GABRG3: variants seen among roughly 807,000 people sequenced by gnomAD.
GABRG3 encodes the protein gamma-aminobutyric acid receptor subunit gamma-3.
GABRG3 carries 25 observed loss-of-function variants against 48.8 expected under a neutral mutation model. That is an observed-to-expected ratio of 0.51 (90% CI 0.37 to 0.72). GABRG3 has a LOEUF of 0.72. GABRG3 is among the 30% of genes least tolerant of loss of function. The pLI is 0.00. For missense variants in GABRG3, 394 were observed against 577.9 expected (o/e 0.68, Z 3.26); for synonymous variants, 227 against 217.6 (o/e 1.04, Z -0.38).
chr15:27,413,759 A>G (rs1887866212), intron 5 of GABRG3, among the ~76,000 whole-genome samples: 1 of 152,194 alleles, frequency 6.6e-6, no homozygotes, highest in Non-Finnish European at 1.5e-5. Flanking sequence ...GTAATTTTGC[A>G]GTTATGTCTA....
intron 5 of GABRG3, among the ~76,000 whole-genome samples, chr15:27,433,854 C>T (rs1412827768): frequency 6.6e-6 from 1 of 152,156 alleles, no homozygotes; most frequent in Non-Finnish European, 1.5e-5. Context: ...GACTCTCAAA[C>T]TTTCTGAAAA....
intron 5 of GABRG3, among the ~76,000 whole-genome samples, chr15:27,470,800 T>C (rs1889765336): frequency 6.6e-6 from 1 of 152,182 alleles, no homozygotes; most frequent in Non-Finnish European, 1.5e-5. Context: ...TTTGTAAGTA[T>C]AGTTTTTAAT....
intron 5 of GABRG3, among the ~76,000 whole-genome samples, chr15:27,425,074 G>A (rs573936966): frequency 5.5e-4 from 83 of 152,238 alleles, no homozygotes; most frequent in Non-Finnish European, 7.4e-4. Context: ...TCCCTGATTG[G>A]CAGTACTCCA....
At chr15:27,263,280 C>A (rs1890818699) in intron 3 of GABRG3, among the ~76,000 whole-genome samples, 1 of 152,144 alleles carries the variant, frequency 6.6e-6, no homozygotes, top group South Asian at 2.1e-4. Flanking sequence ...GTTTAGTGAT[C>A]CATTGATCTC....
At chr15:27,058,565 C>G (rs1337883422) in intron 3 of GABRG3, among the ~76,000 whole-genome samples, 1 of 151,810 alleles carries the variant, frequency 6.6e-6, no homozygotes, top group African/African-American at 2.4e-5. Context: ...AAATTCCCAA[C>G]TGTCCGGCTA....
intron 6 of GABRG3, among the ~76,000 whole-genome samples, chr15:27,492,365 A>T (rs898057898): frequency 2.0e-5 from 3 of 152,322 alleles, no homozygotes; most frequent in African/African-American, 7.2e-5. Context: ...GTCTCACTTC[A>T]AAAGAATCTG....
At chr15:27,375,095 A>G (rs1247151395) in intron 5 of GABRG3, among the ~76,000 whole-genome samples, 1 of 152,164 alleles carries the variant, frequency 6.6e-6, no homozygotes, top group Non-Finnish European at 1.5e-5. Context: ...TGAAGAACAA[A>G]CAGTGGCTTG....
rs117045848 is a variant in GABRG3, at chr15:27,141,582, G to T, written c.270+114761G>T. 6.1e-3 allele frequency among the ~76,000 whole-genome samples: 926 copies of T among 152,296 alleles called. 5 individuals are homozygous for T. Among genetic ancestry groups the T allele is most frequent in the Non-Finnish European group, 8.5e-3 (578 of 68,028 alleles). On this transcript the variant is annotated intron_variant, in intron 3 of 9. Transcript: ENST00000615808. ...TTTCCTTGTCCTGCACCTCTGAGGT[G>T]TCCAGCTACTCATGTAGGACAAATG... is the stretch of plus-strand genomic sequence containing the variant.
intron 5 of GABRG3, among the ~76,000 whole-genome samples, chr15:27,343,133 CG>C (rs1339847930): frequency 1.3e-5 from 2 of 152,132 alleles, no homozygotes; most frequent in African/African-American, 4.8e-5. Flanking sequence ...TGCAGTGCCT[CG>C]GGCTCATCTG....
chr15:27,379,514 G>A (rs1895699878), intron 5 of GABRG3, among the ~76,000 whole-genome samples: 1 of 152,100 alleles, frequency 6.6e-6, no homozygotes, highest in Non-Finnish European at 1.5e-5. Context: ...TCCTCCTCTA[G>A]CGGTCTTCCT....
At chr15:27,146,815 G>A (rs1027569120) in intron 3 of GABRG3, among the ~76,000 whole-genome samples, 17 of 151,542 alleles carry the variant, frequency 1.1e-4, no homozygotes, top group Admixed American at 2.0e-4. Context: ...AAGGACAAGG[G>A]GATTAAAGTG....
At chr15:27,002,468 G>T (rs1395848123) in intron 2 of GABRG3, among the ~76,000 whole-genome samples, 1 of 151,988 alleles carries the variant, frequency 6.6e-6, no homozygotes, top group Non-Finnish European at 1.5e-5. Flanking sequence ...TTTTCTCTCA[G>T]CATTTTAATT....
intron 3 of GABRG3, among the ~76,000 whole-genome samples, chr15:27,326,138 A>G (rs1893605723): frequency 6.6e-6 from 1 of 152,088 alleles, no homozygotes; most frequent in African/African-American, 2.4e-5. Flanking sequence ...CACCGTGAAC[A>G]CTGCAGTGGC....
intron 3 of GABRG3, among the ~76,000 whole-genome samples, chr15:27,158,920 A>G (rs1468940849): frequency 2.0e-5 from 3 of 152,100 alleles, no homozygotes; most frequent in Non-Finnish European, 4.4e-5. Flanking sequence ...TAAAGCCATC[A>G]TATTCCTCAC....
At chr15:27,267,954 A>T (rs940029997) in intron 3 of GABRG3, among the ~76,000 whole-genome samples, 5 of 152,134 alleles carry the variant, frequency 3.3e-5, no homozygotes, top group Non-Finnish European at 5.9e-5. Context: ...ACTATTTTTA[A>T]AAAAATTGCT....
intron 5 of GABRG3, among the ~76,000 whole-genome samples, chr15:27,372,417 G>A (rs1159450487): frequency 6.6e-6 from 1 of 152,102 alleles, no homozygotes; most frequent in Non-Finnish European, 1.5e-5. Context: ...TTTAGAAACA[G>A]GGTCTCGCTC....
At chr15:27,045,347 G>A (rs981911567) in intron 3 of GABRG3, among the ~76,000 whole-genome samples, 4 of 152,174 alleles carry the variant, frequency 2.6e-5, no homozygotes, top group African/African-American at 7.2e-5. Context: ...ACTCACATGA[G>A]GGTAGAACAT....
intron 2 of GABRG3, among the ~76,000 whole-genome samples, chr15:27,009,916 TCTG>T (rs1331347247): frequency 6.6e-6 from 1 of 151,998 alleles, no homozygotes; most frequent in Admixed American, 6.6e-5. Context: ...TCCTTCTGCT[TCTG>T]CTGCTTCTTC....
chr15:27,488,742 T>G (rs1166953222), intron 6 of GABRG3, among the ~76,000 whole-genome samples: 1 of 152,206 alleles, frequency 6.6e-6, no homozygotes, highest in Non-Finnish European at 1.5e-5. Flanking sequence ...TATTTAGTTG[T>G]CATCTTAGAA....
Sources: allele counts gnomAD v4.1 joint callset (sites outside exome capture counted in the v4.1 genomes callset), GRCh38; gene constraint gnomAD v4.1.1; transcripts MANE v1.5; gene names NCBI Gene and HGNC (gene_info 2026-07-23, HGNC 2026-07-21).